The following TAOK1 variants were observed in gnomAD, a reference collection of about 807,000 sequenced individuals.
The protein encoded by TAOK1 is serine/threonine-protein kinase TAO1.
TAOK1 carries 21 observed loss-of-function variants against 138.3 expected under a neutral mutation model. The observed-to-expected ratio is 0.15, with a 90% confidence interval of 0.11 to 0.22. The LOEUF is 0.22. TAOK1 is among the 10% of genes least tolerant of loss of function. The probability of loss-of-function intolerance (pLI) is 1.00; values close to 1 mark genes in which losing one functional copy is unlikely to be tolerated. For missense variants in TAOK1, 651 were observed against 1,227.7 expected, an observed-to-expected ratio of 0.53 and a Z score of 7.02; for synonymous variants, 361 against 398.4, an observed-to-expected ratio of 0.91 and a Z score of 1.12.
chr17:29,399,909 T>G (rs1332439032), intron 1 of TAOK1, among the ~76,000 whole-genome samples: 3 of 151,928 alleles, frequency 2.0e-5, no homozygotes, highest in Non-Finnish European at 4.4e-5. Context: ...TTTTTTTATT[T>G]TTAGTACAGA....
chr17:29,425,204 G>A (rs1905596198), intron 1 of TAOK1, among the ~76,000 whole-genome samples: 1 of 152,058 alleles, frequency 6.6e-6, no homozygotes. Flanking sequence ...CCAGTAGCTG[G>A]GATTACAGAC....
intron 2 of TAOK1, among the ~76,000 whole-genome samples, chr17:29,458,921 T>A (rs2030463493): frequency 6.6e-6 from 1 of 152,174 alleles, no homozygotes; most frequent in Admixed American, 6.6e-5. Context: ...GATTTTACCA[T>A]GTTGGCCAGG....
rs1598498254 is a variant in TAOK1, at chr17:29,477,672, A to G, written c.318A>G (p.Glu106=). Residue 106 remains glutamate, a synonymous_variant, in exon 5 of 20, where the codon GAA becomes GAG. Coordinates refer to ENST00000261716, the MANE Select transcript of TAOK1 (RefSeq NM_020791.4). ...LREHTAWLVM[E]YCLGSASDLL... The stretch of plus-strand genomic sequence containing the variant: ...ACTTTTCCATGTAGCTTGTAATGGA[A>G]TATTGTTTAGGATCTGCTTCGGATT... The G allele has an allele frequency of 7.1e-7, 1 of 1,400,380 alleles. No homozygotes were observed. Among genetic ancestry groups the G allele is most frequent in the Non-Finnish European group, 9.4e-7 (1 of 1,066,156 alleles). 86.7% of individuals were successfully genotyped at this position (1,400,380 alleles called of 1,614,324 possible). A position where few individuals can be genotyped will look rare whatever the true frequency, so the allele number is the denominator to read the frequency against.
At chr17:29,439,571 A>G (rs1294980133) in intron 1 of TAOK1, among the ~76,000 whole-genome samples, 2 of 151,816 alleles carry the variant, frequency 1.3e-5, no homozygotes, top group East Asian at 3.9e-4. Flanking sequence ...TACATTGCAT[A>G]TTGTTGTCTT....
intron 1 of TAOK1, among the ~76,000 whole-genome samples, chr17:29,410,385 G>A (rs913890973): frequency 6.6e-6 from 1 of 152,000 alleles, no homozygotes; most frequent in Non-Finnish European, 1.5e-5. Context: ...CGAGTAGCTG[G>A]GATTACAGGC....
At chr17:29,506,490 G>A (rs982317149) in intron 13 of TAOK1, among the ~76,000 whole-genome samples, 16 of 152,146 alleles carry the variant, frequency 1.1e-4, no homozygotes, top group African/African-American at 3.9e-4. Context: ...ATGGGGAGTT[G>A]TTGATCAAAA....
intron 6 of TAOK1, among the ~76,000 whole-genome samples, chr17:29,478,658 T>C (rs1044000433): frequency 6.6e-6 from 1 of 152,120 alleles, no homozygotes; most frequent in Non-Finnish European, 1.5e-5. Flanking sequence ...AATCATACAG[T>C]TTTTCTTTCT....
chr17:29,516,714 T>C (rs1486582051), intron 15 of TAOK1, among the ~76,000 whole-genome samples: 4 of 151,842 alleles, frequency 2.6e-5, no homozygotes, highest in African/African-American at 9.7e-5. Context: ...TTGGTCACGC[T>C]GGTCTCGAAC....
chr17:29,502,577 T>A lies in TAOK1; in HGVS notation c.1204-12T>A, dbSNP rs750304535. The A allele has an allele frequency of 8.1e-6, 13 of 1,598,274 alleles. No homozygotes were observed. In the South Asian group the frequency reaches 1.3e-4, roughly 15 times the overall value. The stretch of plus-strand genomic sequence containing the variant: ...CACCTTACATAATATTGTCTTTTTT[T>A]TTTTTTCCTAGGAGGAAGAAAATTA... On this transcript the variant is annotated splice_polypyrimidine_tract_variant and intron_variant, in intron 12 of 19. Transcript: ENST00000261716.
At chr17:29,469,590 A>C (rs1356164056) in intron 3 of TAOK1, among the ~76,000 whole-genome samples, 1 of 152,226 alleles carries the variant, frequency 6.6e-6, no homozygotes, top group Non-Finnish European at 1.5e-5. Context: ...TATATCACGT[A>C]ACCTAATATC....
intron 9 of TAOK1, among the ~76,000 whole-genome samples, chr17:29,490,096 AAT>A (rs941255003): frequency 6.6e-6 from 1 of 150,592 alleles, no homozygotes; most frequent in Non-Finnish European, 1.5e-5. Flanking sequence ...TTATAACTAA[AAT>A]ATATGTATTA....
At chr17:29,461,728 G>A (rs193209660) in intron 2 of TAOK1, among the ~76,000 whole-genome samples, 76 of 151,562 alleles carry the variant, frequency 5.0e-4, no homozygotes, top group Middle Eastern at 3.4e-3. Context: ...ACAGATTTGT[G>A]TAATGAAATG....
chr17:29,432,313 C>T (rs1905866518), intron 1 of TAOK1, among the ~76,000 whole-genome samples: 1 of 152,218 alleles, frequency 6.6e-6, no homozygotes, highest in African/African-American at 2.4e-5. Context: ...ACAGATCACT[C>T]ATGGTATTGT....
chr17:29,486,637 A>C (rs1407980341), intron 8 of TAOK1, among the ~76,000 whole-genome samples: 1 of 152,260 alleles, frequency 6.6e-6, no homozygotes, highest in Non-Finnish European at 1.5e-5. Flanking sequence ...GACTCAAGAA[A>C]AAAAAAAAAG....
chr17:29,467,017 C>A (rs2030684916), intron 2 of TAOK1, 128 bp from the exon 3 acceptor site: 3 of 509,354 alleles, frequency 5.9e-6, no homozygotes, highest in African/African-American at 5.8e-5. Flanking sequence ...TTAAAATTTT[C>A]TTTAAAAGTG....
intron 17 of TAOK1, among the ~76,000 whole-genome samples, chr17:29,524,320 C>A (rs2031969956): frequency 6.6e-6 from 1 of 152,184 alleles, no homozygotes; most frequent in African/African-American, 2.4e-5. Context: ...TTAAAGCCAA[C>A]AGCACCGAGG....
At chr17:29,391,308 T>C (rs1416426249) in intron 1 of TAOK1, among the ~76,000 whole-genome samples, 3 of 152,124 alleles carry the variant, frequency 2.0e-5, no homozygotes, top group Non-Finnish European at 4.4e-5. Context: ...ACTGGGTTGA[T>C]GTGCACCCCG....
At chr17:29,447,015 C>G (rs2030098058) in intron 1 of TAOK1, among the ~76,000 whole-genome samples, 2 of 149,950 alleles carry the variant, frequency 1.3e-5, no homozygotes, top group Non-Finnish European at 3.0e-5. Flanking sequence ...GCTGGTATTA[C>G]AGGAGTCAGC....
chr17:29,473,513 T>C (rs1458366983), intron 3 of TAOK1, among the ~76,000 whole-genome samples: 1 of 150,266 alleles, frequency 6.7e-6, no homozygotes, highest in African/African-American at 2.5e-5. Context: ...GCAGGAGGAA[T>C]GCTTGAACCC....
Sources: allele counts gnomAD v4.1 joint callset (sites outside exome capture counted in the v4.1 genomes callset), GRCh38; gene constraint gnomAD v4.1.1; transcripts MANE v1.5; gene names NCBI Gene and HGNC (gene_info 2026-07-23, HGNC 2026-07-21).